The following B4GALT3 variants were observed in gnomAD, a reference collection of about 807,000 sequenced individuals.
The protein encoded by B4GALT3 is beta-1,4-galactosyltransferase 3, also known as N-acetyllactosamine synthase.
In B4GALT3, 29 loss-of-function variants were observed where a neutral mutation model predicts 40.7. The observed-to-expected ratio is 0.71, with a 90% confidence interval of 0.53 to 0.97. The LOEUF (loss-of-function observed/expected upper bound fraction) is 0.97, where lower values mean the gene tolerates loss of function less well. B4GALT3 is among the 50% of genes least tolerant of loss of function. The probability of loss-of-function intolerance (pLI) is 0.00; values close to 1 mark genes in which losing one functional copy is unlikely to be tolerated. For missense variants in B4GALT3, 390 were observed against 522.3 expected (o/e 0.75, Z 2.47); for synonymous variants, 182 against 203.9 (o/e 0.89, Z 0.92).
Position 161,171,937 on chromosome 1 carries a change from C to A in B4GALT3, c.1061G>T (p.Gly354Val), listed in dbSNP as rs2101918641. The stretch of plus-strand genomic sequence containing the variant: ...GGAGGAACCAGGTGGGTAACGTGGC[C>A]CAGAAGGAGCCCGAGGACCCCGAGG... The part of the protein sequence containing the change: ...TDPRGPRAPS[G>V]PRYPPGSSQA... Residue 354 changes from glycine (G) to valine (V), a missense_variant, in exon 8 of 8, where the codon GGG (glycine) becomes GTG (valine). Physicochemically the swap from Gly to Val is moderately radical, Grantham distance 109. Transcript: ENST00000319769. The A allele has an allele frequency of 6.2e-7, 1 of 1,614,030 alleles. No individual in the cohort carries two copies. The highest frequency in any genetic ancestry group is 8.5e-7 in the Non-Finnish European group (1 of 1,180,010).
At chr1:161,172,542 C>A (rs1362055669) in intron 6 of B4GALT3, 2 of 542,330 alleles carry the variant, frequency 3.7e-6, no homozygotes, top group South Asian at 2.5e-5. Context: ...GTGCCAGTCA[C>A]CCTAGGGCCT....
At chr1:161,174,821 A>G in intron 4 of B4GALT3, 172 bp downstream of exon 4, 1 of 667,474 alleles carries the variant, frequency 1.5e-6, no homozygotes, top group Non-Finnish European at 2.6e-6. Flanking sequence ...AGATTAAGGA[A>G]AAGTATGGGA....
chr1:161,173,657 A>C lies in B4GALT3; in HGVS notation c.751T>G (p.Phe251Val). The C allele has an allele frequency of 6.2e-7, 1 of 1,614,158 alleles. No homozygotes were observed. The highest frequency in any genetic ancestry group is 8.5e-7 in the Non-Finnish European group (1 of 1,180,026). The change falls in exon 6 of 8, where the codon TTC becomes GTC. Residue 251 changes from phenylalanine (F) to valine (V), a missense_variant. By Grantham distance (50) the Phe-to-Val change is conservative. Transcript: ENST00000319769. ...CCCCAGCCCCAGTATTCATTGGGGA[A>C]GCCATTCATCTTCAGGTACTGGTCA... is the stretch of plus-strand genomic sequence containing the variant. ...TPDQYLKMNG[F>V]PNEYWGWGGE... is the part of the protein sequence containing the mutation.
In B4GALT3 at chr1:161,175,980, T is replaced by C. The variant is rs1571526973; in HGVS notation, c.81A>G (p.Ser27=). ...CACTGAGACTTCGGAAGCCCCCCAG[T>C]GACAGGTACATCATGACAGCCAGCT... The part of the protein sequence containing the change: ...GSQLAVMMYL[S]LGGFRSLSAL... Residue 27 remains serine (S), a synonymous_variant, in exon 3 of 8, where the codon TCA becomes TCG. Coordinates refer to ENST00000319769, the MANE Select transcript of B4GALT3 (RefSeq NM_003779.4). 9 of 1,613,956 alleles carry C rather than the reference T, an allele frequency of 5.6e-6. No individual in the cohort carries two copies. In the East Asian group the frequency reaches 2.0e-4, roughly 36 times the overall value.
intron 3 of B4GALT3, 39 bp from the exon 4 acceptor site, chr1:161,175,267 CAA>C (rs1211434831): frequency 2.6e-6 from 4 of 1,566,472 alleles, no homozygotes; most frequent in Non-Finnish European, 2.6e-6. Context: ...ATCAGAGGGG[CAA>C]AGAGAAAAGA....
rs1410400782 is a variant in B4GALT3 at position 161,172,101 on chromosome 1, A to C, written c.909-12T>G. On this transcript the variant is annotated splice_polypyrimidine_tract_variant and intron_variant, in intron 7 of 7. Coordinates refer to ENST00000319769, the MANE Select transcript of B4GALT3 (RefSeq NM_003779.4). ...CCAGGAGGTCAAATCTGAGGGTTAG[A>C]GGTTGGAGACTAAGACCCAGAAAGG... 9 of 1,613,096 alleles carry C rather than the reference A, an allele frequency of 5.6e-6. No homozygotes were observed. Among genetic ancestry groups the C allele is most frequent in the Non-Finnish European group, 7.6e-6 (9 of 1,179,186 alleles).
chr1:161,174,324 G>A (rs1662646330), intron 4 of B4GALT3, among the ~76,000 whole-genome samples: 1 of 151,348 alleles, frequency 6.6e-6, no homozygotes, highest in Admixed American at 6.6e-5. Flanking sequence ...GGAGAATGGC[G>A]TAAAACCCGG....
At position 161,171,790 on chromosome 1, in the gene B4GALT3, T is replaced by C. The variant is rs1295596142; in HGVS notation, c.*26A>G. 4.3e-6 allele frequency: 7 copies of C among 1,611,744 alleles called. No individual in the cohort carries two copies. In the East Asian group the frequency reaches 1.6e-4, roughly 36 times the overall value. On this transcript the variant is annotated 3_prime_UTR_variant, in exon 8 of 8. Coordinates refer to ENST00000319769, the MANE Select transcript of B4GALT3 (RefSeq NM_003779.4). ...ATACAACCCCATGAATTCGGTTTCATGATTAAGGTAGACAGGAAGGAGGAG... is the reference window on the plus strand; with the variant it reads ...ATACAACCCCATGAATTCGGTTTCACGATTAAGGTAGACAGGAAGGAGGAG...
chr1:161,175,373 T>A, intron 3 of B4GALT3, 145 bp from the exon 4 acceptor site: 1 of 739,324 alleles, frequency 1.4e-6, no homozygotes, highest in Admixed American at 2.9e-5. Context: ...ATGCCTTGGA[T>A]TACCTATCAC....
In B4GALT3 at chr1:161,173,741, G is replaced by A. The variant is rs117887764; in HGVS notation, c.681-14C>T. 6 of 1,613,954 alleles carry A rather than the reference G, an allele frequency of 3.7e-6. No individual in the cohort carries two copies. Among genetic ancestry groups the A allele is most frequent in the Non-Finnish European group, 5.1e-6 (6 of 1,179,976 alleles). ...GGGTACGGGAGGCTAGGGAGAGAAAGATCCTTGCATACCCCGAGTCTTCTG... is the reference window on the plus strand; with the variant it reads ...GGGTACGGGAGGCTAGGGAGAGAAAAATCCTTGCATACCCCGAGTCTTCTG... On this transcript the variant is annotated splice_polypyrimidine_tract_variant and intron_variant, in intron 5 of 7. Transcript: ENST00000319769.
rs1470679908 is a variant in B4GALT3, at chr1:161,176,244, CACCAGTAACCCT to C, written c.-15+178_-14-171del. On this transcript the variant is annotated intron_variant, in intron 2 of 7. Transcript: ENST00000319769. ...GTCACGCAAGGAAACAGAATGTAAC[CACCAGTAACCCT>C]ACCACCTGTCACTTCAGCCCAAGTT... is the stretch of plus-strand genomic sequence containing the variant. 8.2e-6 allele frequency: 6 copies of C among 734,110 alleles called. No individual in the cohort carries two copies. In the African/African-American group the frequency reaches 1.1e-4, roughly 13 times the overall value. 45.5% of individuals were successfully genotyped at this position (734,110 alleles called of 1,614,324 possible). A position where few individuals can be genotyped will look rare whatever the true frequency, so the allele number is the denominator to read the frequency against.
At chr1:161,177,264 A>G in intron 1 of B4GALT3, 159 bp downstream of exon 1, 2 of 609,380 alleles carry the variant, frequency 3.3e-6, no homozygotes, top group South Asian at 4.1e-5. Context: ...TGCCCTACCT[A>G]CTAGCAACGT....
At chr1:161,175,748 A>G in intron 3 of B4GALT3, 60 bp downstream of exon 3, 1 of 1,588,702 alleles carries the variant, frequency 6.3e-7, no homozygotes, top group South Asian at 1.1e-5. Context: ...CCCTATCCCC[A>G]AGCCTCCCTG....
chr1:161,176,369 G>A, intron 2 of B4GALT3, 65 bp downstream of exon 2: 1 of 476,366 alleles, frequency 2.1e-6, no homozygotes, highest in Non-Finnish European at 3.8e-6. Flanking sequence ...CAAATCTCAT[G>A]TTCATTTCAG....
rs1353264575 is a variant in B4GALT3 at position 161,171,463 on chromosome 1, T to C, written c.*353A>G. 3 of 584,388 alleles carry C rather than the reference T, an allele frequency of 5.1e-6. No homozygotes were observed. The African/African-American group carries it at 5.6e-5, about 11-fold the overall frequency. The allele number at this position is 584,388 out of a possible 1,614,324, so 36.2% of individuals were successfully genotyped here. ...CCGGGAACCATAAATAGAATAAATA[T>C]TCACAGAGGTCCGAGGAGAAGCCAG... On this transcript the variant is annotated 3_prime_UTR_variant, in exon 8 of 8. Coordinates refer to ENST00000319769, the MANE Select transcript of B4GALT3 (RefSeq NM_003779.4).
In B4GALT3 at chr1:161,175,160, C is replaced by T. The variant is rs761875612; in HGVS notation, c.322G>A (p.Val108Ile). The T allele has an allele frequency of 2.5e-6, 4 of 1,613,728 alleles. No homozygotes were observed. The East Asian group carries it at 8.9e-5, about 36-fold the overall frequency. Reference protein sequence around the residue: ...LAEIVERNPRVEPGGRYRPAG... With the variant: ...LAEIVERNPRIEPGGRYRPAG... ...GGGCGGTACCGGCCCCCTGGTTCTA[C>T]CCGGGGATTCCGCTCCACAATCTCT... Residue 108 changes from valine to isoleucine, a missense_variant, in exon 4 of 8, where the codon GTA becomes ATA. Transcript: ENST00000319769.
chr1:161,176,917 G>A (rs527518334), intron 1 of B4GALT3: 3 of 1,536,216 alleles, frequency 2.0e-6, no homozygotes, highest in South Asian at 2.4e-5. Context: ...AGTACCCAGG[G>A]CGAAGTAGGA....
rs146478151 is a variant in B4GALT3 at position 161,171,922 on chromosome 1, G to C, written c.1076C>G (p.Pro359Arg). 572 of 1,614,178 alleles carry C rather than the reference G, an allele frequency of 3.5e-4. 2 individuals carry two copies. Among genetic ancestry groups the C allele is most frequent in the Middle Eastern group, 4.9e-4 (3 of 6,062 alleles). ...PRAPSGPRYP[P>R]GSSQAFRQEM... ...TTGACGGAAGGCTTGGGAGGAACCA[G>C]GTGGGTAACGTGGCCCAGAAGGAGC... is the stretch of plus-strand genomic sequence containing the variant. Residue 359 changes from proline (P) to arginine (R), a missense_variant, in exon 8 of 8, where the codon CCT (proline) becomes CGT (arginine). Pro to Arg is a moderately radical substitution (Grantham distance 103, BLOSUM62 -2). This residue lies in a region of B4GALT3 where 72 missense variants were observed against 71.3 expected (regional missense o/e 1.01). Transcript: ENST00000319769.
At position 161,171,693 on chromosome 1, in the gene B4GALT3, C is replaced by A; in HGVS notation, c.*123G>T. On this transcript the variant is annotated 3_prime_UTR_variant, in exon 8 of 8. Coordinates refer to ENST00000319769, the MANE Select transcript of B4GALT3 (RefSeq NM_003779.4). ...CCAGCAGTGAGGGAGAGGCCCCTAC[C>A]CCCTAGCACGGCACCAGAGTTCAGT... 1 of 1,379,538 alleles carries A rather than the reference C, an allele frequency of 7.2e-7. No individual in the cohort carries two copies. Among genetic ancestry groups the A allele is most frequent in the Non-Finnish European group, 9.9e-7 (1 of 1,014,784 alleles). The allele number at this position is 1,379,538 out of a possible 1,614,324, so 85.5% of individuals were successfully genotyped here.
Sources: gnomAD v4.1 joint callset for allele counts (sites outside exome capture counted in the v4.1 genomes callset) on GRCh38, gnomAD v4.1.1 for gene constraint, gnomAD v4.1.1 regional missense constraint, MANE v1.5 for transcripts, NCBI Gene and HGNC (gene_info 2026-07-23, HGNC 2026-07-21) for gene names.